Variants in TPO observed in about 807,000 individuals in gnomAD.
The protein encoded by TPO is thyroid peroxidase, also known as thyroid microsomal antigen.
TPO carries 78 observed loss-of-function variants against 96.9 expected under a neutral mutation model. The ratio of observed to expected loss-of-function variants is 0.81; its 90% CI spans 0.67 to 0.97. The LOEUF (loss-of-function observed/expected upper bound fraction) is 0.97, where lower values mean the gene tolerates loss of function less well. Ranked by LOEUF, TPO falls within the 50% of genes least tolerant of loss-of-function variation. The pLI, the probability that TPO is intolerant of heterozygous loss-of-function variation, is 0.00. For synonymous variants in TPO, 547 were observed against 538.0 expected (o/e 1.02, Z -0.23); for missense variants, 1,252 against 1,274.8 (o/e 0.98, Z 0.27).
At chr2:1,531,369 CCG>C in intron 15 of TPO, among the ~76,000 whole-genome samples, 1 of 90,346 alleles carries the variant, frequency 1.1e-5, no homozygotes, top group Non-Finnish European at 2.1e-5. Context: ...CCAAATCCTC[CCG>C]ACTCTGTGCA....
intron 3 of TPO, among the ~76,000 whole-genome samples, chr2:1,432,028 C>G (rs11211646): frequency 0.25 from 37,308 of 152,258 alleles, 4,923 homozygotes; most frequent in South Asian, 0.4. Flanking sequence ...ACACACCTGC[C>G]GTGGTCACTT....
At chr2:1,462,339 A>G (rs1007912966) in intron 7 of TPO, among the ~76,000 whole-genome samples, 1 of 152,184 alleles carries the variant, frequency 6.6e-6, no homozygotes, top group Admixed American at 6.5e-5. Context: ...AACTCAGGGC[A>G]CAGACAAGAG....
chr2:1,530,628 C>CG (rs1309722255), intron 15 of TPO, among the ~76,000 whole-genome samples: 607 of 9,356 alleles, frequency 0.065, 118 homozygotes, highest in African/African-American at 0.21. Flanking sequence ...CTCCCCAACT[C>CG]CCCGACTCTC....
At chr2:1,449,706 A>G (rs1339296222) in intron 5 of TPO, among the ~76,000 whole-genome samples, 1 of 152,224 alleles carries the variant, frequency 6.6e-6, no homozygotes, top group Non-Finnish European at 1.5e-5. Context: ...AAAGAGGTGG[A>G]ATTGACCTTG....
chr2:1,398,396 T>TC (rs1662117745), intron 1 of TPO, among the ~76,000 whole-genome samples: 3 of 152,180 alleles, frequency 2.0e-5, no homozygotes, highest in Admixed American at 2.0e-4. Context: ...TCAGGCCATC[T>TC]CCCCAGACAC....
intron 13 of TPO, among the ~76,000 whole-genome samples, chr2:1,503,553 G>C (rs1184357584): frequency 6.6e-6 from 1 of 152,092 alleles, no homozygotes; most frequent in African/African-American, 2.4e-5. Context: ...AGGACCTGCC[G>C]GCCAGCTGGG....
chr2:1,388,376 C>T (rs192703984), intron 1 of TPO, among the ~76,000 whole-genome samples: 129 of 152,326 alleles, frequency 8.5e-4, no homozygotes, highest in Non-Finnish European at 1.5e-3. Flanking sequence ...AGCTTCCTGG[C>T]CGCTTTGTTT....
At chr2:1,537,540 A>ACT (rs148330276) in intron 15 of TPO, among the ~76,000 whole-genome samples, 1 of 22,126 alleles carries the variant, frequency 4.5e-5, no homozygotes, top group Non-Finnish European at 7.4e-5. Flanking sequence ...TATCCCCCCC[A>ACT]GTGTGCAACC....
At chr2:1,540,769 T>C (rs1196130514) in intron 16 of TPO, 46 bp downstream of exon 16, 1 of 1,613,176 alleles carries the variant, frequency 6.2e-7, no homozygotes, top group Non-Finnish European at 8.5e-7. Flanking sequence ...CCGCAGTGGT[T>C]GGACAGGATC....
At chr2:1,390,073 G>A in intron 1 of TPO, among the ~76,000 whole-genome samples, 1 of 151,288 alleles carries the variant, frequency 6.6e-6, no homozygotes, top group Non-Finnish European at 1.5e-5. Context: ...ACAACGTGCA[G>A]GTTTGATACA....
At chr2:1,514,939 G>A (rs761007923) in intron 14 of TPO, among the ~76,000 whole-genome samples, 28 of 152,282 alleles carry the variant, frequency 1.8e-4, no homozygotes, top group Non-Finnish European at 3.7e-4. Context: ...GCTCGCCACG[G>A]CCCAGGACGT....
chr2:1,460,969 G>A lies in TPO; in HGVS notation c.819+4687G>A, dbSNP rs116704380. The stretch of plus-strand genomic sequence containing the variant: ...TGGTTTGGGCAAGAGCTGGTGAAAA[G>A]CAGCCTTGGAAGAAGGAGGGATTGT... On this transcript the variant is annotated intron_variant, in intron 7 of 16. Coordinates refer to ENST00000329066, the MANE Select transcript of TPO (RefSeq NM_001206744.2). Among the ~76,000 whole-genome samples the A allele has an allele frequency of 5.7e-3, 867 of 152,338 alleles. 15 individuals are homozygous for A. The highest frequency in any genetic ancestry group is 0.02 in the African/African-American group (812 of 41,578).
chr2:1,415,360 G>A (rs1186636516), intron 2 of TPO, among the ~76,000 whole-genome samples: 3 of 135,288 alleles, frequency 2.2e-5, no homozygotes, highest in South Asian at 2.5e-4. Context: ...GTGACACTTC[G>A]CCGGGCAGGT....
At chr2:1,536,867 C>A (rs1305000626) in intron 15 of TPO, among the ~76,000 whole-genome samples, 1 of 132,714 alleles carries the variant, frequency 7.5e-6, no homozygotes, top group South Asian at 2.6e-4. Context: ...TTCAACCTCC[C>A]CGAATACCCA....
chr2:1,497,320 C>T (rs1287832031), intron 13 of TPO, among the ~76,000 whole-genome samples: 2 of 152,226 alleles, frequency 1.3e-5, no homozygotes, highest in South Asian at 2.1e-4. Context: ...GGGCCACTTC[C>T]ACCTGCTCCT....
intron 4 of TPO, among the ~76,000 whole-genome samples, chr2:1,434,152 T>C (rs1346265574): frequency 3.9e-5 from 6 of 152,212 alleles, no homozygotes; most frequent in East Asian, 1.9e-4. Context: ...ATGTCGTCAT[T>C]TCTTCAGCTC....
At position 1,487,841 on chromosome 2, in the gene TPO, C is replaced by G. The variant is rs121908082; in HGVS notation, c.1618C>G (p.Arg540Gly). 6.2e-7 allele frequency: 1 copy of G among 1,614,210 alleles called. No homozygotes were observed. Among genetic ancestry groups the G allele is most frequent in the East Asian group, 2.2e-5 (1 of 44,874 alleles). ...LRGGGLDPLI[R>G]GLLARPAKLQ... ...TCCAGGTGGTTTGGACCCACTAATA[C>G]GAGGCCTTCTTGCAAGACCAGCCAA... Residue 540 changes from arginine (R) to glycine (G), a missense_variant, in exon 10 of 17, where the codon CGA becomes GGA. Physicochemically the swap from Arg to Gly is moderately radical, Grantham distance 125. Coordinates refer to ENST00000329066, the MANE Select transcript of TPO (RefSeq NM_001206744.2).
intron 8 of TPO, among the ~76,000 whole-genome samples, chr2:1,482,556 G>A (rs1413965052): frequency 6.6e-6 from 1 of 152,190 alleles, no homozygotes. Context: ...TATGGCGTCT[G>A]CCCAGGTCCA....
At chr2:1,475,692 G>A (rs527875687) in intron 7 of TPO, among the ~76,000 whole-genome samples, 5 of 152,060 alleles carry the variant, frequency 3.3e-5, no homozygotes, top group African/African-American at 1.2e-4. Flanking sequence ...CAAATTGCTG[G>A]GCGCCCACCT....
Sources: allele counts gnomAD v4.1 joint callset (sites outside exome capture counted in the v4.1 genomes callset), GRCh38; gene constraint gnomAD v4.1.1; transcripts MANE v1.5; gene names NCBI Gene and HGNC (gene_info 2026-07-23, HGNC 2026-07-21).